The following PCBP3 variants were observed in gnomAD, a reference collection of about 807,000 sequenced individuals.
PCBP3 encodes poly(rC)-binding protein 3.
In PCBP3, 25 loss-of-function variants were observed where a neutral mutation model predicts 52.7. The ratio of observed to expected loss-of-function variants is 0.47; its 90% confidence interval spans 0.35 to 0.66. PCBP3 has a LOEUF of 0.66. PCBP3 is among the 30% of genes least tolerant of loss of function. The pLI is 0.01. For synonymous variants in PCBP3, 162 were observed against 183.0 expected (o/e 0.89, Z 0.93); for missense variants, 391 against 490.3 (o/e 0.80, Z 1.91).
At chr21:45,814,746 GTGA>G (rs2092806240) in intron 4 of PCBP3, among the ~76,000 whole-genome samples, 1 of 140,256 alleles carries the variant, frequency 7.1e-6, no homozygotes, top group Non-Finnish European at 1.6e-5. Context: ...TGAGTGGTGA[GTGA>G]TGAGTGAGTG....
At chr21:45,696,798 A>G (rs1031418034) in intron 2 of PCBP3, among the ~76,000 whole-genome samples, 1 of 152,102 alleles carries the variant, frequency 6.6e-6, no homozygotes, top group Admixed American at 6.5e-5. Flanking sequence ...TCAAGAAAAA[A>G]AAAAAAGGCA....
chr21:45,879,564 G>T (rs2095351635), intron 5 of PCBP3, among the ~76,000 whole-genome samples: 1 of 152,106 alleles, frequency 6.6e-6, no homozygotes, highest in Non-Finnish European at 1.5e-5. Context: ...CATATTCCAT[G>T]TAAAAAACTA....
At chr21:45,835,616 T>G (rs9983770) in intron 4 of PCBP3, among the ~76,000 whole-genome samples, 29,643 of 152,250 alleles carry the variant, frequency 0.19, 3,416 homozygotes, top group Middle Eastern at 0.32. Context: ...GCTGGGCCTG[T>G]CCTGCCACAT....
intron 1 of PCBP3, among the ~76,000 whole-genome samples, chr21:45,667,010 C>G (rs1368499399): frequency 6.7e-6 from 1 of 150,108 alleles, no homozygotes; most frequent in Non-Finnish European, 1.5e-5. Context: ...AATTATAATC[C>G]TTTCATATAT....
chr21:45,748,860 C>T (rs1246969955), intron 3 of PCBP3, among the ~76,000 whole-genome samples: 1 of 152,214 alleles, frequency 6.6e-6, no homozygotes, highest in African/African-American at 2.4e-5. Context: ...GTTCTGCTTC[C>T]TGCTTCTCTC....
At chr21:45,733,608 A>T (rs918321133) in intron 2 of PCBP3, among the ~76,000 whole-genome samples, 1 of 148,328 alleles carries the variant, frequency 6.7e-6, no homozygotes, top group Admixed American at 6.7e-5. Flanking sequence ...TTATTTATGT[A>T]TTTATTTATT....
intron 2 of PCBP3, among the ~76,000 whole-genome samples, chr21:45,676,800 C>T (rs2081496922): frequency 6.6e-6 from 1 of 152,126 alleles, no homozygotes; most frequent in African/African-American, 2.4e-5. Context: ...GAGACAGAGT[C>T]TCACTCTGTT....
intron 2 of PCBP3, among the ~76,000 whole-genome samples, chr21:45,730,663 T>G (rs1008348341): frequency 1.3e-5 from 2 of 152,134 alleles, no homozygotes; most frequent in Non-Finnish European, 2.9e-5. Flanking sequence ...AATTGTGGAT[T>G]TATCTATTTG....
At chr21:45,811,683 G>A (rs2092691004) in intron 4 of PCBP3, among the ~76,000 whole-genome samples, 1 of 152,192 alleles carries the variant, frequency 6.6e-6, no homozygotes. Flanking sequence ...ATGTTGGCTT[G>A]CTAGGATCAG....
chr21:45,884,410 C>T (rs764026255), intron 5 of PCBP3, among the ~76,000 whole-genome samples: 4 of 151,924 alleles, frequency 2.6e-5, no homozygotes, highest in African/African-American at 7.3e-5. Flanking sequence ...CATATATATA[C>T]ACACATACTG....
At chr21:45,771,503 T>G (rs769370732) in intron 4 of PCBP3, among the ~76,000 whole-genome samples, 13 of 152,168 alleles carry the variant, frequency 8.5e-5, no homozygotes, top group Non-Finnish European at 1.2e-4. Flanking sequence ...CTTAACAAAC[T>G]AAAAACGAAA....
chr21:45,722,911 G>C (rs2084764417), intron 2 of PCBP3, among the ~76,000 whole-genome samples: 1 of 151,934 alleles, frequency 6.6e-6, no homozygotes, highest in South Asian at 2.1e-4. Context: ...CTGCTTGGGA[G>C]GCTGAGGCAG....
At chr21:45,922,238 G>C (rs1306808081) in intron 13 of PCBP3, among the ~76,000 whole-genome samples, 1 of 152,166 alleles carries the variant, frequency 6.6e-6, no homozygotes, top group African/African-American at 2.4e-5. Context: ...GTTTTTTCTG[G>C]AAGAAATGAG....
chr21:45,908,029 C>A (rs1569481946), intron 9 of PCBP3, among the ~76,000 whole-genome samples: 1 of 152,238 alleles, frequency 6.6e-6, no homozygotes, highest in Non-Finnish European at 1.5e-5. Context: ...TCATACCAAT[C>A]AAAAAATGCT....
chr21:45,809,722 T>C (rs2092625590), intron 4 of PCBP3, among the ~76,000 whole-genome samples: 2 of 152,240 alleles, frequency 1.3e-5, no homozygotes, highest in Admixed American at 1.3e-4. Context: ...CCCTCTGTCC[T>C]GCTGCCTCTT....
chr21:45,754,376 A>G (rs1038697436), intron 3 of PCBP3, among the ~76,000 whole-genome samples: 2 of 152,198 alleles, frequency 1.3e-5, no homozygotes, highest in Non-Finnish European at 1.5e-5. Context: ...TTGCCAGTAC[A>G]GTTTTTTTGA....
intron 1 of PCBP3, among the ~76,000 whole-genome samples, chr21:45,646,103 CTCTCTG>C (rs1485475658): frequency 4.7e-4 from 36 of 76,980 alleles, no homozygotes; most frequent in South Asian, 5.1e-4. Context: ...CTCTCTCTCT[CTCTCTG>C]TGTGTGTGTG....
intron 5 of PCBP3, among the ~76,000 whole-genome samples, chr21:45,889,583 C>A (rs1264007726): frequency 6.6e-6 from 1 of 152,246 alleles, no homozygotes; most frequent in Non-Finnish European, 1.5e-5. Flanking sequence ...CCTTCTTCTG[C>A]AGCCCGCCCT....
At chr21:45,878,286 G>T (rs1420073285) in intron 5 of PCBP3, among the ~76,000 whole-genome samples, 1 of 152,258 alleles carries the variant, frequency 6.6e-6, no homozygotes, top group Non-Finnish European at 1.5e-5. Context: ...TGCCCTCCGG[G>T]GTGGGGGGGT....
Sources: gnomAD v4.1 joint callset for allele counts (sites outside exome capture counted in the v4.1 genomes callset) on GRCh38, gnomAD v4.1.1 for gene constraint, MANE v1.5 for transcripts, NCBI Gene and HGNC (gene_info 2026-07-23, HGNC 2026-07-21) for gene names.